The following TRPM4 variants were observed in gnomAD, a reference collection of about 807,000 sequenced individuals.
TRPM4 encodes transient receptor potential cation channel subfamily M member 4.
A neutral mutation model predicts 135.6 loss-of-function variants in TRPM4; 124 were observed. That is an observed-to-expected ratio of 0.91 (90% CI 0.79 to 1.06). The LOEUF is 1.06. TRPM4 is among the 50% of genes least tolerant of loss of function. The pLI is 0.00. For missense variants in TRPM4, 1,658 were observed against 1,671.4 expected (o/e 0.99, Z 0.14); for synonymous variants, 745 against 705.6 (o/e 1.06, Z -0.88).
intron 12 of TRPM4, among the ~76,000 whole-genome samples, chr19:49,187,699 G>A (rs1410261246): frequency 2.0e-5 from 3 of 152,132 alleles, no homozygotes; most frequent in East Asian, 1.9e-4. Flanking sequence ...GCGCAGAGCC[G>A]GCTGTGCGGG....
At position 49,175,067 on chromosome 19, in the gene TRPM4, C is replaced by CTTT. The variant is rs772062913; in HGVS notation, c.1150+2982_1150+2984dup. ...CACAGGCATGTGCCATCATGCCTGGCTTTTTTTTTTTTTTTTTTTTTTTTT... is the reference window on the plus strand; with the variant it reads ...CACAGGCATGTGCCATCATGCCTGGCTTTTTTTTTTTTTTTTTTTTTTTTTTTT... On this transcript the variant is annotated intron_variant, in intron 9 of 24. Transcript: ENST00000252826. 8.5e-3 allele frequency among the ~76,000 whole-genome samples: 659 copies of CTTT among 77,558 alleles called. 68 individuals are homozygous for CTTT. The highest frequency in any genetic ancestry group is 0.032 in the African/African-American group (433 of 13,516). 50.9% of individuals were successfully genotyped at this position (77,558 alleles called of 152,430 possible).
intron 20 of TRPM4, among the ~76,000 whole-genome samples, chr19:49,206,730 C>T (rs544862646): frequency 4.7e-4 from 71 of 152,250 alleles, no homozygotes; most frequent in African/African-American, 1.7e-3. Flanking sequence ...TGAGCCACCG[C>T]GCCCGGCCAG....
chr19:49,169,391 C>A (rs1967365514), intron 6 of TRPM4, among the ~76,000 whole-genome samples: 1 of 82,454 alleles, frequency 1.2e-5, no homozygotes, highest in Admixed American at 1.0e-4. Flanking sequence ...CCTGCCTCAG[C>A]CTCCTGCCTC....
chr19:49,168,817 G>A (rs1247405737), intron 6 of TRPM4, 81 bp downstream of exon 6: 26 of 1,448,406 alleles, frequency 1.8e-5, no homozygotes, highest in Non-Finnish European at 2.5e-5. Flanking sequence ...AGTTTGGTCT[G>A]GTCGAGATTT....
chr19:49,166,656 C>T (rs1381245528), intron 3 of TRPM4, among the ~76,000 whole-genome samples: 1 of 150,604 alleles, frequency 6.6e-6, no homozygotes, highest in Non-Finnish European at 1.5e-5. Context: ...CTCTCCGGGT[C>T]TCTGTTTCCC....
At chr19:49,175,852 C>T (rs1400369975) in intron 9 of TRPM4, among the ~76,000 whole-genome samples, 1 of 150,090 alleles carries the variant, frequency 6.7e-6, no homozygotes, top group Non-Finnish European at 1.5e-5. Flanking sequence ...TGGTCTCGAT[C>T]TCCTGACCTT....
chr19:49,191,307 G>A (rs1014595521), intron 16 of TRPM4, among the ~76,000 whole-genome samples: 6 of 151,486 alleles, frequency 4.0e-5, no homozygotes, highest in African/African-American at 1.2e-4. Flanking sequence ...CTGGGTTCCT[G>A]ATCAGCCTGC....
intron 9 of TRPM4, among the ~76,000 whole-genome samples, chr19:49,176,341 C>A (rs982954017): frequency 1.1e-4 from 16 of 152,174 alleles, no homozygotes; most frequent in African/African-American, 3.9e-4. Flanking sequence ...GATTCTCTCG[C>A]ATCAGCCTCT....
intron 20 of TRPM4, among the ~76,000 whole-genome samples, chr19:49,207,768 C>T (rs1275847373): frequency 6.6e-6 from 1 of 151,184 alleles, no homozygotes; most frequent in African/African-American, 2.4e-5. Context: ...GTTGTAGGGG[C>T]CAGCCCTACA....
chr19:49,171,400 T>G lies in TRPM4; in HGVS notation c.840T>G (p.Gly280=). Residue 280 remains glycine, a synonymous_variant, in exon 7 of 25, where the codon GGT becomes GGG. Transcript: ENST00000252826. This position sits in a 1 kb window ranked among gnomAD's most constrained non-coding sequence, Gnocchi z 4.7. The part of the protein sequence containing the change: ...DIPVLLLLID[G]DEKMLTRIEN... The stretch of plus-strand genomic sequence containing the variant: ...CTGTCCTGCTCCTCCTGATTGATGG[T>G]GATGAGAAGATGTTGACGGTATAGG... 6.2e-7 allele frequency: 1 copy of G among 1,613,780 alleles called. No individual in the cohort carries two copies. Among genetic ancestry groups the G allele is most frequent in the Non-Finnish European group, 8.5e-7 (1 of 1,179,974 alleles).
intron 12 of TRPM4, among the ~76,000 whole-genome samples, chr19:49,188,164 T>C (rs1235799643): frequency 6.6e-6 from 1 of 152,186 alleles, no homozygotes; most frequent in Non-Finnish European, 1.5e-5. Context: ...AGTCAAACCA[T>C]GAACAGAATT....
At position 49,210,796 on chromosome 19, in the gene TRPM4, G is replaced by T; in HGVS notation, c.3415G>T (p.Asp1139Tyr). The change falls in exon 22 of 25, where the codon GAC (aspartate) becomes TAC (tyrosine). Residue 1139 changes from aspartate (D) to tyrosine (Y), a missense_variant. By Grantham distance (160) the Asp-to-Tyr change is radical. Coordinates refer to ENST00000252826, the MANE Select transcript of TRPM4 (RefSeq NM_017636.4). The surrounding 1 kb of genome is among the most constrained non-coding windows in gnomAD (Gnocchi z 4.1). ...GAACTTTCTGCTGGCACGCGCTAGG[G>T]ACAAGCGGGAGAGCGACTCCGAGCG... ...KENFLLARARDKRESDSERLK... is the reference protein window; with the variant it reads ...KENFLLARARYKRESDSERLK... 6.2e-7 allele frequency: 1 copy of T among 1,613,862 alleles called. No individual in the cohort carries two copies. The highest frequency in any genetic ancestry group is 8.5e-7 in the Non-Finnish European group (1 of 1,179,974).
intron 2 of TRPM4, chr19:49,158,544 C>T (rs2041563858): frequency 2.1e-6 from 1 of 470,848 alleles, no homozygotes; most frequent in Non-Finnish European, 3.8e-6. Context: ...CTCTTCGTGT[C>T]ACTTTCTGTG....
At chr19:49,205,725 G>A (rs931026983) in intron 20 of TRPM4, among the ~76,000 whole-genome samples, 2 of 151,424 alleles carry the variant, frequency 1.3e-5, no homozygotes, top group Non-Finnish European at 2.9e-5. Flanking sequence ...TAGTAGGGAC[G>A]GGGTTTCACC....
chr19:49,168,057 C>T lies in TRPM4; in HGVS notation c.408C>T (p.Asp136=), dbSNP rs776926290. 4 of 1,611,052 alleles carry T rather than the reference C, an allele frequency of 2.5e-6. No homozygotes were observed. The highest frequency in any genetic ancestry group is 1.1e-5 in the South Asian group (1 of 91,052). Residue 136 remains aspartate (D), a synonymous_variant, in exon 4 of 25, where the codon GAC becomes GAT. Coordinates refer to ENST00000252826, the MANE Select transcript of TRPM4 (RefSeq NM_017636.4). ...GGPVLQTWLQ[D]LLRRGLVRAA... The stretch of plus-strand genomic sequence containing the variant: ...CCGTCCTCCAGACCTGGCTGCAGGA[C>T]CTGCTGCGTCGTGGGCTGGTGCGGG...
intron 20 of TRPM4, among the ~76,000 whole-genome samples, 184 bp downstream of exon 20, chr19:49,202,325 C>T (rs1482191104): frequency 6.6e-6 from 1 of 152,144 alleles, no homozygotes; most frequent in Non-Finnish European, 1.5e-5. Flanking sequence ...GATCCTCTCC[C>T]TGAGCCCAGG....
Position 49,196,873 on chromosome 19 carries a change from C to T in TRPM4, c.2644C>T (p.Arg882Trp), listed in dbSNP as rs1441850732. 6.3e-7 allele frequency: 1 copy of T among 1,578,326 alleles called. No homozygotes were observed. Among genetic ancestry groups the T allele is most frequent in the Non-Finnish European group, 8.5e-7 (1 of 1,171,056 alleles). Reference sequence around the variant, plus strand: ...CTGCTTCCTCCTGGGCGTGGGCTGCCGGTGAGTGCCCCGGGGCCTTGGAAC... The same window carrying T: ...CTGCTTCCTCCTGGGCGTGGGCTGCTGGTGAGTGCCCCGGGGCCTTGGAAC... ...LTCFLLGVGC[R>W]LTPGLYHLGR... Residue 882 changes from arginine (R) to tryptophan (W), a missense_variant and splice_region_variant, in exon 17 of 25, where the codon CGG becomes TGG. By Grantham distance (101) the Arg-to-Trp change is moderately radical. Transcript: ENST00000252826.
chr19:49,168,859 C>A, intron 6 of TRPM4, 123 bp downstream of exon 6: 3 of 1,081,164 alleles, frequency 2.8e-6, no homozygotes, highest in Non-Finnish European at 4.1e-6. Context: ...TGTCTTTCCC[C>A]GTCATTATTC....
intron 9 of TRPM4, among the ~76,000 whole-genome samples, chr19:49,176,413 C>G (rs1304921854): frequency 6.6e-6 from 1 of 152,054 alleles, no homozygotes; most frequent in Non-Finnish European, 1.5e-5. Flanking sequence ...GGGATAGGGT[C>G]TCCCTATGTT....
Sources: allele counts gnomAD v4.1 joint callset (sites outside exome capture counted in the v4.1 genomes callset), GRCh38; gene constraint gnomAD v4.1.1; non-coding constraint Gnocchi (gnomAD v3.1); transcripts MANE v1.5; gene names NCBI Gene and HGNC (gene_info 2026-07-23, HGNC 2026-07-21).